FAM163A: variants seen among roughly 807,000 people sequenced by gnomAD.
The protein encoded by FAM163A is family with sequence similarity 163 member A, also known as protein FAM163A.
Under a neutral mutation model 12.0 loss-of-function variants are expected in FAM163A, and 7 were observed. The ratio of observed to expected loss-of-function variants is 0.58; its 90% CI spans 0.33 to 1.10. The LOEUF is 1.10. Ranked by LOEUF, FAM163A falls within the 50% of genes least tolerant of loss-of-function variation. The pLI, the probability that FAM163A is intolerant of heterozygous loss-of-function variation, is 0.03. For synonymous variants in FAM163A, 101 were observed against 91.0 expected (o/e 1.11, Z -0.62); for missense variants, 202 against 218.6 (o/e 0.92, Z 0.48).
the FAM163A span, among the ~76,000 whole-genome samples, chr1:179,734,249 T>C: frequency 6.6e-6 from 1 of 152,308 alleles, no homozygotes; most frequent in Non-Finnish European, 1.5e-5. Flanking sequence ...ACTGTAGACC[T>C]ATATAGGAGA....
In FAM163A at chr1:179,816,061, G is replaced by A. The variant is rs1221562563; in HGVS notation, c.*1872G>A. 1.3e-5 allele frequency: 2 copies of A among 152,240 alleles called. No individual in the cohort carries two copies. The highest frequency in any genetic ancestry group is 2.9e-5 in the Non-Finnish European group (2 of 68,070). The allele number at this position is 152,240 out of a possible 1,614,324, so 9.4% of individuals were successfully genotyped here. On this transcript the variant is annotated 3_prime_UTR_variant, in exon 5 of 5. Coordinates refer to ENST00000341785, the MANE Select transcript of FAM163A (RefSeq NM_173509.3). ...CCAAGAAGTGAGAATTTCCGAAAAA[G>A]ATCTGCCGGCCCAGAGCACTCCCTC...
At chr1:179,742,850 G>A (rs1683826473), upstream of FAM163A, among the ~76,000 whole-genome samples, 1 of 152,144 alleles carries the variant, frequency 6.6e-6, no homozygotes, top group Non-Finnish European at 1.5e-5. Flanking sequence ...TCAGCGGCGG[G>A]GACATCCAGG....
intron 1 of FAM163A, among the ~76,000 whole-genome samples, chr1:179,796,229 G>A (rs1216022413): frequency 6.6e-6 from 1 of 151,668 alleles, no homozygotes; most frequent in Non-Finnish European, 1.5e-5. Context: ...ACCTAAATTG[G>A]CGTATTTCTA....
intron 1 of FAM163A, among the ~76,000 whole-genome samples, chr1:179,761,723 G>T (rs1000837330): frequency 1.3e-5 from 2 of 152,224 alleles, no homozygotes; most frequent in African/African-American, 4.8e-5. Flanking sequence ...ATGAATGTGG[G>T]AGAGAATGTT....
At chr1:179,779,982 A>ATAAATGGTTGTTTTCAC (rs1355530393) in intron 1 of FAM163A, among the ~76,000 whole-genome samples, 12 of 152,238 alleles carry the variant, frequency 7.9e-5, no homozygotes, top group Non-Finnish European at 1.3e-4. Flanking sequence ...CTATAAAACT[A>ATAAATGGTTGTTTTCAC]TAAATGGTTG....
In FAM163A at chr1:179,815,629, C is replaced by CA. The variant is rs1695253207; in HGVS notation, c.*1440_*1441insA. ...TGGCAGTGGCTTTGTGAGTGAGAAT[C>CA]CTGATGAGTTTTCCAGTGGCCTCTG... On this transcript the variant is annotated 3_prime_UTR_variant, in exon 5 of 5. Coordinates refer to ENST00000341785, the MANE Select transcript of FAM163A (RefSeq NM_173509.3). The CA allele has an allele frequency of 6.6e-6, 1 of 152,254 alleles. No individual in the cohort carries two copies. The highest frequency in any genetic ancestry group is 1.5e-5 in the Non-Finnish European group (1 of 68,116). The allele number at this position is 152,254 out of a possible 1,614,324, so 9.4% of individuals were successfully genotyped here.
intron 1 of FAM163A, among the ~76,000 whole-genome samples, chr1:179,763,369 G>A (rs1375582386): frequency 1.3e-5 from 2 of 152,122 alleles, no homozygotes; most frequent in Non-Finnish European, 2.9e-5. Context: ...TGCCAAAGAG[G>A]CATATTTTGG....
chr1:179,798,473 C>T (rs898410106), intron 1 of FAM163A, among the ~76,000 whole-genome samples: 7 of 152,370 alleles, frequency 4.6e-5, no homozygotes, highest in East Asian at 1.9e-4. Flanking sequence ...TGCCACCACG[C>T]GCATACTCAG....
At chr1:179,803,963 C>G (rs1272106098) in intron 1 of FAM163A, 1 of 146,998 alleles carries the variant, frequency 6.8e-6, no homozygotes, top group Non-Finnish European at 1.5e-5. Context: ...CTCCTGCCCC[C>G]TGGCCTGCTT....
the FAM163A span, among the ~76,000 whole-genome samples, chr1:179,731,543 A>G: frequency 6.6e-6 from 1 of 152,190 alleles, no homozygotes; most frequent in African/African-American, 2.4e-5. Flanking sequence ...TCAACAAGTA[A>G]ATTTATGTGA....
chr1:179,783,986 A>AG (rs1209158115), intron 1 of FAM163A, among the ~76,000 whole-genome samples: 5 of 152,088 alleles, frequency 3.3e-5, no homozygotes, highest in African/African-American at 9.6e-5. Context: ...AACACTGGCC[A>AG]GGGGCACATT....
chr1:179,754,822 CCTT>C (rs1414276053), intron 1 of FAM163A, among the ~76,000 whole-genome samples: 1 of 152,126 alleles, frequency 6.6e-6, no homozygotes. Flanking sequence ...AGGCATAACA[CCTT>C]CTGGTTTACA....
chr1:179,813,549 C>T (rs10158987), intron 4 of FAM163A, among the ~76,000 whole-genome samples: 7 of 152,128 alleles, frequency 4.6e-5, no homozygotes, highest in African/African-American at 1.4e-4. Flanking sequence ...GTCCCTGCCC[C>T]GCTCAACTAC....
At chr1:179,750,119 A>G (rs990999736) in intron 1 of FAM163A, among the ~76,000 whole-genome samples, 1 of 152,180 alleles carries the variant, frequency 6.6e-6, no homozygotes, top group Non-Finnish European at 1.5e-5. Flanking sequence ...ATCAAGGACA[A>G]TATCAGTAGA....
chr1:179,813,201 G>A lies in FAM163A; in HGVS notation c.93+11G>A, dbSNP rs1189380599. 53 of 1,550,892 alleles carry A rather than the reference G, an allele frequency of 3.4e-5. No individual in the cohort carries two copies. Among genetic ancestry groups the A allele is most frequent in the Non-Finnish European group, 4.4e-5 (50 of 1,146,456 alleles). On this transcript the variant is annotated intron_variant, in intron 4 of 4. Coordinates refer to ENST00000341785, the MANE Select transcript of FAM163A (RefSeq NM_173509.3). ...TACTGCAGGCTCCAGGTCAGTCCCC[G>A]GGACCCGTAGCCAGAGGCTGCCAGG...
At chr1:179,777,979 G>C (rs11580432) in intron 1 of FAM163A, among the ~76,000 whole-genome samples, 6,464 of 152,224 alleles carry the variant, frequency 0.042, 249 homozygotes, top group African/African-American at 0.1. Flanking sequence ...ATCCTACTGA[G>C]TGTACAGATG....
At chr1:179,809,302 C>A (rs1210594806) in intron 2 of FAM163A, among the ~76,000 whole-genome samples, 2 of 152,240 alleles carry the variant, frequency 1.3e-5, no homozygotes, top group Admixed American at 1.3e-4. Flanking sequence ...AGCTCTCACA[C>A]CCATCCCCCT....
At chr1:179,811,505 C>T (rs1316750963) in intron 2 of FAM163A, among the ~76,000 whole-genome samples, 1 of 152,200 alleles carries the variant, frequency 6.6e-6, no homozygotes, top group Non-Finnish European at 1.5e-5. Context: ...CAAACTCTGA[C>T]TCATTAGGCC....
At chr1:179,731,791 A>G in the FAM163A span, among the ~76,000 whole-genome samples, 1 of 152,254 alleles carries the variant, frequency 6.6e-6, no homozygotes, top group Non-Finnish European at 1.5e-5. Context: ...CATTAAAGTC[A>G]TATTTGCAAA....
Sources: allele counts gnomAD v4.1 joint callset (sites outside exome capture counted in the v4.1 genomes callset), GRCh38; gene constraint gnomAD v4.1.1; transcripts MANE v1.5; gene names NCBI Gene and HGNC (gene_info 2026-07-23, HGNC 2026-07-21).